The following DRD2 variants were observed in gnomAD, a reference collection of about 807,000 sequenced individuals.
DRD2 encodes dopamine receptor D2.
DRD2 carries 8 observed loss-of-function variants against 38.0 expected under a neutral mutation model. The observed-to-expected ratio is 0.21, with a 90% confidence interval of 0.12 to 0.38. The LOEUF is 0.38. DRD2 is among the 10% of genes least tolerant of loss of function. The pLI is 1.00. For missense variants in DRD2, 403 were observed against 607.7 expected, an observed-to-expected ratio of 0.66 and a Z score of 3.54; for synonymous variants, 230 against 238.6, an observed-to-expected ratio of 0.96 and a Z score of 0.33.
intron 6 of DRD2, chr11:113,413,345 G>T (rs756967048): frequency 1.5e-5 from 8 of 526,690 alleles, no homozygotes; most frequent in Middle Eastern, 3.2e-4. Context: ...CTGCACCTGC[G>T]TACACACGTG....
At chr11:113,443,600 C>G (rs1951113074) in intron 1 of DRD2, among the ~76,000 whole-genome samples, 2 of 152,244 alleles carry the variant, frequency 1.3e-5, no homozygotes, top group Non-Finnish European at 2.9e-5. Flanking sequence ...GGACCCTGTG[C>G]TCTATCTGTC....
chr11:113,428,388 T>C (rs1950958283), intron 1 of DRD2, among the ~76,000 whole-genome samples: 1 of 152,160 alleles, frequency 6.6e-6, no homozygotes, highest in Admixed American at 6.5e-5. Context: ...CTTCTGGCTG[T>C]CCCAGGGAAA....
intron 1 of DRD2, among the ~76,000 whole-genome samples, chr11:113,454,267 G>A (rs1357758377): frequency 3.9e-5 from 6 of 152,116 alleles, no homozygotes; most frequent in Admixed American, 6.5e-5. Context: ...TAGGATTCAC[G>A]CTTGAACCTG....
chr11:113,410,455 C>A lies in DRD2; in HGVS notation c.*272G>T. 1 of 556,244 alleles carries A rather than the reference C, an allele frequency of 1.8e-6. No individual in the cohort carries two copies. The allele number at this position is 556,244 out of a possible 1,614,324, so 34.5% of individuals were successfully genotyped here. A position where few individuals can be genotyped will look rare whatever the true frequency, so the allele number is the denominator to read the frequency against. On this transcript the variant is annotated 3_prime_UTR_variant, in exon 8 of 8. Coordinates refer to ENST00000362072, the MANE Select transcript of DRD2 (RefSeq NM_000795.4). Reference sequence around the variant, plus strand: ...ATCTTTGGTGCCAAGGATAGGGGGACTGGAGGTGGGAGGGGGGACTCTATG... The same window carrying A: ...ATCTTTGGTGCCAAGGATAGGGGGAATGGAGGTGGGAGGGGGGACTCTATG...
chr11:113,459,646 G>C (rs1951299337), intron 1 of DRD2, among the ~76,000 whole-genome samples: 1 of 152,192 alleles, frequency 6.6e-6, no homozygotes, highest in Non-Finnish European at 1.5e-5. Context: ...GGAAGGGGAG[G>C]GGGAGATGGA....
At chr11:113,439,251 G>A (rs140953480) in intron 1 of DRD2, among the ~76,000 whole-genome samples, 1 of 152,254 alleles carries the variant, frequency 6.6e-6, no homozygotes, top group African/African-American at 2.4e-5. Context: ...CATCTCCTAG[G>A]AAGGCTACCA....
chr11:113,454,209 G>A (rs988729412), intron 1 of DRD2, among the ~76,000 whole-genome samples: 9 of 151,928 alleles, frequency 5.9e-5, no homozygotes, highest in African/African-American at 1.5e-4. Context: ...ATTTACCAGC[G>A]GACACTATAT....
rs1223999377 is a variant in DRD2 at position 113,424,393 on chromosome 11, C to T, written c.259G>A (p.Val87Ile). The T allele has an allele frequency of 6.2e-7, 1 of 1,614,208 alleles. No homozygotes were observed. The highest frequency in any genetic ancestry group is 1.7e-5 in the Admixed American group (1 of 60,032). ...AVADLLVATLVMPWVVYLEVV... is the reference protein window; with the variant it reads ...AVADLLVATLIMPWVVYLEVV... ...TCCAGGTAGACAACCCAGGGCATGA[C>T]CAGTGTGGCGACGAGGAGGTCGGCC... The change falls in exon 2 of 8, where the codon GTC becomes ATC. Residue 87 changes from valine to isoleucine, a missense_variant. Val to Ile is a conservative substitution (Grantham distance 29, BLOSUM62 3). This residue lies in a region of DRD2 where 162 missense variants were observed against 254.5 expected (regional missense o/e 0.64). Coordinates refer to ENST00000362072, the MANE Select transcript of DRD2 (RefSeq NM_000795.4).
At chr11:113,412,090 A>T (rs1079594) in intron 7 of DRD2, 4 of 172,254 alleles carry the variant, frequency 2.3e-5, no homozygotes, top group Admixed American at 2.2e-4. Context: ...CAAAAAGAGC[A>T]ATAGTAATAA....
intron 1 of DRD2, among the ~76,000 whole-genome samples, chr11:113,435,008 G>T (rs1053807178): frequency 5.1e-4 from 77 of 152,330 alleles, no homozygotes; most frequent in African/African-American, 1.7e-3. Flanking sequence ...CTTCTCCAGG[G>T]CTCTCATCCC....
chr11:113,418,053 C>T lies in DRD2; in HGVS notation c.369G>A (p.Leu123=), dbSNP rs752361704. 6.2e-7 allele frequency: 1 copy of T among 1,614,196 alleles called. No individual in the cohort carries two copies. Among genetic ancestry groups the T allele is most frequent in the South Asian group, 1.1e-5 (1 of 91,084 alleles). ...TGTCGATGCTGATGGCACACAAGTT[C>T]AGGATGCTCGCCGTGCACATCATGA... is the stretch of plus-strand genomic sequence containing the variant. ...LDVMMCTASI[L]NLCAISIDRY... Residue 123 remains leucine, a synonymous_variant, in exon 3 of 8, where the codon CTG becomes CTA. Transcript: ENST00000362072.
At chr11:113,447,430 A>G (rs1291825306) in intron 1 of DRD2, 1 of 151,918 alleles carries the variant, frequency 6.6e-6, no homozygotes, top group Non-Finnish European at 1.5e-5. Flanking sequence ...GAGAATCAAA[A>G]CAAGGAAACT....
intron 1 of DRD2, among the ~76,000 whole-genome samples, chr11:113,467,960 T>C (rs1591305482): frequency 1.3e-5 from 2 of 152,208 alleles, no homozygotes; most frequent in African/African-American, 4.8e-5. Context: ...GAAACATGAT[T>C]TCAGAAATGT....
intron 1 of DRD2, among the ~76,000 whole-genome samples, chr11:113,464,197 C>T (rs1018359852): frequency 5.9e-5 from 9 of 151,642 alleles, no homozygotes; most frequent in South Asian, 4.2e-4. Flanking sequence ...ACGGAGGGAG[C>T]GGAAGAGAAA....
intron 2 of DRD2, 124 bp downstream of exon 2, chr11:113,424,243 G>GA (rs1263498229): frequency 1.5e-5 from 17 of 1,132,436 alleles, no homozygotes; most frequent in Non-Finnish European, 2.2e-5. Flanking sequence ...CAGAGTGAAG[G>GA]AAAAACCACC....
intron 1 of DRD2, among the ~76,000 whole-genome samples, chr11:113,447,310 G>A (rs1475484201): frequency 3.3e-5 from 5 of 152,046 alleles, no homozygotes; most frequent in South Asian, 2.1e-4. Flanking sequence ...TCCTCTCCCC[G>A]CTCCTGTGCC....
chr11:113,433,502 AG>A (rs2138194566), intron 1 of DRD2, among the ~76,000 whole-genome samples: 1 of 152,262 alleles, frequency 6.6e-6, no homozygotes, highest in Non-Finnish European at 1.5e-5. Flanking sequence ...TGTGGGAGAC[AG>A]GGGGAGGCCA....
intron 1 of DRD2, among the ~76,000 whole-genome samples, chr11:113,437,401 C>T (rs1951049069): frequency 6.6e-6 from 1 of 152,134 alleles, no homozygotes; most frequent in Non-Finnish European, 1.5e-5. Flanking sequence ...AGGGTCTCAC[C>T]CCTCCAGGCT....
At chr11:113,417,147 CCCT>C in intron 3 of DRD2, 148 bp from the exon 4 acceptor site, 1 of 1,173,626 alleles carries the variant, frequency 8.5e-7, no homozygotes, top group Admixed American at 2.6e-5. Context: ...ACTCAACCCT[CCCT>C]CCTGTCCCCA....
Sources: allele counts gnomAD v4.1 joint callset (sites outside exome capture counted in the v4.1 genomes callset), GRCh38; gene constraint gnomAD v4.1.1; regional missense constraint gnomAD v4.1.1; transcripts MANE v1.5; gene names NCBI Gene and HGNC (gene_info 2026-07-23, HGNC 2026-07-21).